The following LONP1 variants were observed in gnomAD, a reference collection of about 807,000 sequenced individuals.
LONP1 encodes the protein lon protease homolog, mitochondrial.
A neutral mutation model predicts 98.5 loss-of-function variants in LONP1; 31 were observed. The observed-to-expected ratio is 0.31, with a 90% CI of 0.24 to 0.42. The LOEUF is 0.42. Among genes scored for constraint, LONP1 ranks in the 20% least tolerant of loss-of-function variants. The pLI, the probability that LONP1 is intolerant of heterozygous loss-of-function variation, is 1.00. For missense variants in LONP1, 1,336 were observed against 1,350.6 expected (o/e 0.99, Z 0.17); for synonymous variants, 781 against 594.7 (o/e 1.31, Z -4.56).
intron 2 of LONP1, 102 bp downstream of exon 2, chr19:5,714,081 C>A: frequency 2.3e-6 from 2 of 855,850 alleles, no homozygotes; most frequent in Non-Finnish European, 3.7e-6. Context: ...CCCTGGTTTC[C>A]TCGGGGTCAG....
intron 2 of LONP1, 110 bp downstream of exon 2, chr19:5,714,073 C>T (rs1187815450): frequency 2.2e-5 from 17 of 787,898 alleles, no homozygotes; most frequent in Non-Finnish European, 3.3e-5. Flanking sequence ...GAGGTCTTCC[C>T]TGGTTTCCTC....
rs747472062 is a variant in LONP1, at chr19:5,720,122, C to G, written c.11G>C (p.Ser4Thr). The change falls in exon 1 of 18, where the codon AGC becomes ACC. Residue 4 changes from serine (S) to threonine (T), a missense_variant. Ser to Thr is a moderately conservative substitution (Grantham distance 58). Transcript: ENST00000360614. Reference sequence around the variant, plus strand: ...TCCCCACAGTCGCACGTAGCCAGTGCTCGCCGCCATAGCCCGGCCATACTG... The same window carrying G: ...TCCCCACAGTCGCACGTAGCCAGTGGTCGCCGCCATAGCCCGGCCATACTG... The part of the protein sequence containing the change: MAA[S>T]TGYVRLWGAA... The G allele has an allele frequency of 6.3e-6, 9 of 1,428,106 alleles. No homozygotes were observed. The South Asian group carries it at 1.3e-4, about 21-fold the overall frequency. The allele number at this position is 1,428,106 out of a possible 1,614,324, so 88.5% of individuals were successfully genotyped here.
intron 8 of LONP1, among the ~76,000 whole-genome samples, chr19:5,705,143 C>G (rs887389277): frequency 6.7e-6 from 1 of 148,348 alleles, no homozygotes; most frequent in Non-Finnish European, 1.5e-5. Context: ...GCCTGGACAA[C>G]AGAGCAAGAC....
intron 10 of LONP1, among the ~76,000 whole-genome samples, chr19:5,698,053 T>TC (rs2054973984): frequency 7.5e-6 from 1 of 133,410 alleles, no homozygotes; most frequent in East Asian, 2.5e-4. Flanking sequence ...GCAGAACAGG[T>TC]CCCCTGTCCT....
At position 5,696,345 on chromosome 19, in the gene LONP1, C is replaced by G; in HGVS notation, c.1800G>C (p.Gln600His). The G allele has an allele frequency of 1.2e-6, 2 of 1,613,194 alleles. No individual in the cohort carries two copies. The highest frequency in any genetic ancestry group is 1.7e-6 in the Non-Finnish European group (2 of 1,179,858). The change falls in exon 12 of 18, where the codon CAG becomes CAC. Residue 600 changes from glutamine (Q) to histidine (H), a missense_variant. Physicochemically the swap from Gln to His is conservative, Grantham distance 24. This residue lies in a region of LONP1 where 555 missense variants were observed against 542.6 expected (regional missense o/e 1.02). Transcript: ENST00000360614. ...DEVDKIGRGY[Q>H]GDPSSALLEL... ...CCAGCAGTGCCGACGACGGGTCCCC[C>G]TGGTAGCCTCGGCCGATCTTGTCCA...
At chr19:5,707,939 G>C in intron 5 of LONP1, 113 bp from the exon 6 acceptor site, 3 of 1,231,712 alleles carry the variant, frequency 2.4e-6, no homozygotes, top group Non-Finnish European at 3.4e-6. Flanking sequence ...CTATGGGCAC[G>C]GTCTAGGGGT....
intron 14 of LONP1, 22 bp from the exon 15 acceptor site, chr19:5,694,574 A>G (rs1568311119): frequency 6.2e-7 from 1 of 1,604,398 alleles, no homozygotes; most frequent in Non-Finnish European, 8.5e-7. Flanking sequence ...GGGCAACACA[A>G]TGGGCACGGG....
At chr19:5,701,967 T>C (rs1350664882) in intron 8 of LONP1, among the ~76,000 whole-genome samples, 9 of 140,186 alleles carry the variant, frequency 6.4e-5, no homozygotes, top group Admixed American at 4.9e-4. Flanking sequence ...GGGAAGAGCG[T>C]CTCTGCCCGG....
chr19:5,701,672 G>A (rs943831758), intron 8 of LONP1, among the ~76,000 whole-genome samples: 10 of 152,228 alleles, frequency 6.6e-5, no homozygotes, highest in East Asian at 3.9e-4. Flanking sequence ...GCGTGATCTC[G>A]GCTCGCTACA....
rs1458429931 is a variant in LONP1, at chr19:5,708,486, C to T, written c.871-83G>A. ...TGGGTGGGAGCATGGCCCTGGGAGC[C>T]CCACCCACCAGCTCCATCAACTCCC... On this transcript the variant is annotated intron_variant, in intron 4 of 17. Coordinates refer to ENST00000360614, the MANE Select transcript of LONP1 (RefSeq NM_004793.4). 1.2e-5 allele frequency: 15 copies of T among 1,245,270 alleles called. No individual in the cohort carries two copies. The South Asian group carries it at 1.9e-4, about 16-fold the overall frequency. 77.1% of individuals were successfully genotyped at this position (1,245,270 alleles called of 1,614,324 possible).
Position 5,711,908 on chromosome 19 carries a change from CCTT to C in LONP1, c.730_732del (p.Lys244del), listed in dbSNP as rs560898148. 991 of 1,613,192 alleles carry C rather than the reference CCTT, an allele frequency of 6.1e-4. 4 individuals carry two copies. The African/African-American group carries it at 0.012, about 19-fold the overall frequency. On this transcript the variant is annotated inframe_deletion, in exon 4 of 18. Coordinates refer to ENST00000360614, the MANE Select transcript of LONP1 (RefSeq NM_004793.4). The stretch of plus-strand genomic sequence containing the variant: ...CTGGCGCTCAGCTCGTCCTCCGCCT[CCTT>C]CTTGCCCCGCTTTGACTTCCTGCGG...
At chr19:5,698,528 C>G (rs902325526) in intron 10 of LONP1, among the ~76,000 whole-genome samples, 1 of 152,186 alleles carries the variant, frequency 6.6e-6, no homozygotes, top group Admixed American at 6.5e-5. Context: ...CTGAGGCTGG[C>G]CGGGACGAGT....
At position 5,692,005 on chromosome 19, in the gene LONP1, C is replaced by T; in HGVS notation, c.*27G>A. On this transcript the variant is annotated 3_prime_UTR_variant, in exon 18 of 18. Coordinates refer to ENST00000360614, the MANE Select transcript of LONP1 (RefSeq NM_004793.4). The stretch of plus-strand genomic sequence containing the variant: ...TTCTGGCCCAGACAGGGCCTGACAT[C>T]CGCCGCCTGCAGTCCCGGGGTGGCC... The T allele has an allele frequency of 6.3e-7, 1 of 1,597,214 alleles. No homozygotes were observed. Among genetic ancestry groups the T allele is most frequent in the Non-Finnish European group, 8.5e-7 (1 of 1,170,720 alleles).
At chr19:5,720,450 C>G (rs901765242), upstream of LONP1, 2 of 592,604 alleles carry the variant, frequency 3.4e-6, no homozygotes, top group Non-Finnish European at 5.9e-6. Context: ...TGTGCACATG[C>G]TTAGGCGCGC....
chr19:5,694,308 A>G (rs1332120419), intron 15 of LONP1, 79 bp downstream of exon 15: 1 of 1,565,848 alleles, frequency 6.4e-7, no homozygotes, highest in African/African-American at 1.3e-5. Context: ...CCCACTGCAC[A>G]GGTGTACAAG....
In LONP1 at chr19:5,705,941, G is replaced by C. The variant is rs2055138145; in HGVS notation, c.1198C>G (p.Leu400Val). Residue 400 changes from leucine to valine, a missense_variant, in exon 8 of 18, where the codon CTA becomes GTA. Physicochemically the swap from Leu to Val is conservative, Grantham distance 32. Transcript: ENST00000360614. ...THRKYLLQEQ[L>V]KIIKKELGLE... Reference sequence around the variant, plus strand: ...CCCAGCTCCTTCTTGATGATCTTTAGCTGCTCCTGCAGCAGGTACTTACGG... The same window carrying C: ...CCCAGCTCCTTCTTGATGATCTTTACCTGCTCCTGCAGCAGGTACTTACGG... The C allele has an allele frequency of 2.5e-6, 4 of 1,613,930 alleles. No homozygotes were observed. The highest frequency in any genetic ancestry group is 3.4e-6 in the Non-Finnish European group (4 of 1,180,022).
chr19:5,702,872 A>G (rs999796530), intron 8 of LONP1, among the ~76,000 whole-genome samples: 1 of 151,148 alleles, frequency 6.6e-6, no homozygotes, highest in Non-Finnish European at 1.5e-5. Context: ...CCAGGGACAC[A>G]AACACTGCGG....
chr19:5,697,732 C>T (rs556335388), intron 10 of LONP1, among the ~76,000 whole-genome samples: 8 of 150,214 alleles, frequency 5.3e-5, no homozygotes, highest in Non-Finnish European at 1.0e-4. Context: ...AACGATCCAT[C>T]GCCCCGCAGC....
At chr19:5,716,441 A>G (rs753901427) in intron 1 of LONP1, among the ~76,000 whole-genome samples, 56 of 151,186 alleles carry the variant, frequency 3.7e-4, no homozygotes, top group Non-Finnish European at 7.5e-4. Flanking sequence ...AGAGCATCAC[A>G]TGATGCCGAT....
Sources: gnomAD v4.1 joint callset for allele counts (sites outside exome capture counted in the v4.1 genomes callset) on GRCh38, gnomAD v4.1.1 for gene constraint, gnomAD v4.1.1 regional missense constraint, MANE v1.5 for transcripts, NCBI Gene and HGNC (gene_info 2026-07-23, HGNC 2026-07-21) for gene names.